The following TRIM24 variants were observed in gnomAD, a reference collection of about 807,000 sequenced individuals.
TRIM24 encodes tripartite motif containing 24, also known as transcription intermediary factor 1-alpha.
A neutral mutation model predicts 123.9 loss-of-function variants in TRIM24; 29 were observed. That is an observed-to-expected ratio of 0.23 (90% CI 0.17 to 0.32). The LOEUF (loss-of-function observed/expected upper bound fraction) is 0.32, where lower values mean the gene tolerates loss of function less well. Ranked by LOEUF, TRIM24 falls within the 10% of genes least tolerant of loss-of-function variation. The pLI is 1.00. For missense variants in TRIM24, 932 were observed against 1,295.3 expected, an observed-to-expected ratio of 0.72 and a Z score of 4.31; for synonymous variants, 456 against 461.1, an observed-to-expected ratio of 0.99 and a Z score of 0.14.
intron 10 of TRIM24, 48 bp downstream of exon 10, chr7:138,567,702 C>A: frequency 6.7e-7 from 1 of 1,499,102 alleles, no homozygotes. Context: ...CTGCTTTCTA[C>A]TTTCAAATCA....
rs1798018350 is a variant in TRIM24 at position 138,586,275 on chromosome 7, T to C, written c.*1324T>C. 1 of 167,098 alleles carries C rather than the reference T, an allele frequency of 6.0e-6. No homozygotes were observed. Among genetic ancestry groups the C allele is most frequent in the South Asian group, 1.5e-4 (1 of 6,520 alleles). 10.4% of individuals were successfully genotyped at this position (167,098 alleles called of 1,614,324 possible). A position where few individuals can be genotyped will look rare whatever the true frequency, so the allele number is the denominator to read the frequency against. On this transcript the variant is annotated 3_prime_UTR_variant, in exon 19 of 19. Coordinates refer to ENST00000343526, the MANE Select transcript of TRIM24 (RefSeq NM_015905.3). The stretch of plus-strand genomic sequence containing the variant: ...TGGTTTGCCGAAGTTAATCTGTATT[T>C]ATAAAACATTAACTGGAGTAAATTT...
intron 1 of TRIM24, among the ~76,000 whole-genome samples, chr7:138,499,637 G>A (rs866805128): frequency 5.8e-4 from 89 of 152,230 alleles, no homozygotes; most frequent in African/African-American, 2.0e-3. Flanking sequence ...GAACAGAAAC[G>A]GAGGCTCTTC....
intron 1 of TRIM24, among the ~76,000 whole-genome samples, chr7:138,468,765 G>A (rs1370492807): frequency 6.6e-6 from 1 of 152,158 alleles, no homozygotes; most frequent in African/African-American, 2.4e-5. Context: ...CACATGCGTA[G>A]TAGCCTTCAG....
chr7:138,514,623 A>G (rs1337594313), intron 2 of TRIM24: 1 of 151,964 alleles, frequency 6.6e-6, no homozygotes, highest in Non-Finnish European at 1.5e-5. Context: ...CAGCCTTCCA[A>G]CCCCACTAAA....
intron 4 of TRIM24, among the ~76,000 whole-genome samples, chr7:138,520,509 C>T (rs1481025717): frequency 6.6e-6 from 1 of 152,032 alleles, no homozygotes; most frequent in Non-Finnish European, 1.5e-5. Context: ...TTAGACAATG[C>T]GAACATAGTG....
chr7:138,470,180 G>A (rs1252649572), intron 1 of TRIM24, among the ~76,000 whole-genome samples: 1 of 141,036 alleles, frequency 7.1e-6, no homozygotes, highest in Non-Finnish European at 1.5e-5. Context: ...CACCAGGCTG[G>A]AGTGCAGTGG....
At chr7:138,557,465 A>T (rs985337208) in intron 9 of TRIM24, among the ~76,000 whole-genome samples, 1 of 152,142 alleles carries the variant, frequency 6.6e-6, no homozygotes, top group Non-Finnish European at 1.5e-5. Flanking sequence ...GGATGTTTTT[A>T]ACAAGGAGGG....
intron 1 of TRIM24, among the ~76,000 whole-genome samples, chr7:138,496,592 T>G (rs1313253407): frequency 6.6e-6 from 1 of 152,188 alleles, no homozygotes; most frequent in African/African-American, 2.4e-5. Context: ...GTTGAAGAAG[T>G]TTCCATCTGT....
chr7:138,506,659 C>A (rs1439176331), intron 2 of TRIM24, among the ~76,000 whole-genome samples: 1 of 152,114 alleles, frequency 6.6e-6, no homozygotes, highest in Non-Finnish European at 1.5e-5. Flanking sequence ...AATTAGTTTT[C>A]AGTACGTTTA....
intron 1 of TRIM24, among the ~76,000 whole-genome samples, chr7:138,497,393 CTTTT>C (rs869232002): frequency 1.1e-5 from 1 of 88,336 alleles, no homozygotes; most frequent in Non-Finnish European, 2.1e-5. Context: ...ATTACAATTT[CTTTT>C]TTTTTTTTTT....
rs966926972 is a variant in TRIM24, at chr7:138,568,179, C to T, written c.1704+525C>T. On this transcript the variant is annotated intron_variant, in intron 10 of 18. Coordinates refer to ENST00000343526, the MANE Select transcript of TRIM24 (RefSeq NM_015905.3). ...TGTTGCCTAGGCTGGAGTGCAGTGG[C>T]GCAATCTGGGCTAACTGCAAACTCT... 5.3e-5 allele frequency among the ~76,000 whole-genome samples: 8 copies of T among 151,658 alleles called. No individual in the cohort carries two copies. In the South Asian group the frequency reaches 6.2e-4, roughly 12 times the overall value.
In TRIM24 at chr7:138,554,892, C is replaced by T. The variant is rs778431830; in HGVS notation, c.1456C>T (p.Arg486Trp). 3.3e-5 allele frequency: 53 copies of T among 1,613,974 alleles called. 1 individual carries two copies. The highest frequency in any genetic ancestry group is 4.4e-5 in the South Asian group (4 of 91,086). ...AATGGCTCAGAGGCAACAGGTGCAA[C>T]GGAGGCCAGCACCTGTGGGTTTACC... is the stretch of plus-strand genomic sequence containing the variant. The part of the protein sequence containing the change: ...QVMAQRQQVQ[R>W]RPAPVGLPNP... Residue 486 changes from arginine to tryptophan, a missense_variant, in exon 9 of 19, where the codon CGG (arginine) becomes TGG (tryptophan). Arg to Trp is a moderately radical substitution (Grantham distance 101). Transcript: ENST00000343526. This position sits in a 1 kb window ranked among gnomAD's most constrained non-coding sequence, Gnocchi z 4.5.
chr7:138,572,630 C>G (rs1797680913), intron 11 of TRIM24, among the ~76,000 whole-genome samples: 1 of 152,120 alleles, frequency 6.6e-6, no homozygotes, highest in Non-Finnish European at 1.5e-5. Flanking sequence ...GGTGCATAAG[C>G]AAGAAATTGA....
chr7:138,497,096 A>G (rs1795923267), intron 1 of TRIM24, among the ~76,000 whole-genome samples: 1 of 152,204 alleles, frequency 6.6e-6, no homozygotes, highest in Admixed American at 6.5e-5. Flanking sequence ...TCATAAAATA[A>G]GGTTGGAATT....
Position 138,554,660 on chromosome 7 carries a change from T to C in TRIM24, c.1262-38T>C, listed in dbSNP as rs781201567. Reference sequence around the variant, plus strand: ...AAAATGTGATATTTCACCAACTATCTGAAAAACTGTTTCCCTTAACCTTTT... The same window carrying C: ...AAAATGTGATATTTCACCAACTATCCGAAAAACTGTTTCCCTTAACCTTTT... On this transcript the variant is annotated intron_variant, in intron 8 of 18. Coordinates refer to ENST00000343526, the MANE Select transcript of TRIM24 (RefSeq NM_015905.3). This position sits in a 1 kb window ranked among gnomAD's most constrained non-coding sequence, Gnocchi z 4.5. 2.1e-5 allele frequency: 33 copies of C among 1,579,376 alleles called. No homozygotes were observed. The Middle Eastern group carries it at 3.6e-3, about 171-fold the overall frequency.
intron 1 of TRIM24, chr7:138,461,436 T>A: frequency 2.7e-6 from 1 of 364,148 alleles, no homozygotes; most frequent in Non-Finnish European, 5.3e-6. Context: ...ATTTCTTATC[T>A]TGCATGTTTG....
Position 138,550,765 on chromosome 7 carries a change from A to T in TRIM24, c.1144-298A>T, listed in dbSNP as rs140900847. ...AAGTAAAATAAATGAAAGCATTAAG[A>T]TACATTAATAATTTTTATTTTACAA... On this transcript the variant is annotated intron_variant, in intron 7 of 18. Transcript: ENST00000343526. 8.5e-5 allele frequency among the ~76,000 whole-genome samples: 13 copies of T among 152,322 alleles called. No individual in the cohort carries two copies. The East Asian group carries it at 2.3e-3, about 27-fold the overall frequency.
intron 4 of TRIM24, among the ~76,000 whole-genome samples, chr7:138,520,370 T>C (rs1028839089): frequency 3.3e-5 from 5 of 152,256 alleles, no homozygotes; most frequent in African/African-American, 1.2e-4. Context: ...TCCTCAAGTT[T>C]CCTTGTAGAA....
chr7:138,520,971 C>T (rs1050439150), intron 4 of TRIM24, among the ~76,000 whole-genome samples: 5 of 152,170 alleles, frequency 3.3e-5, no homozygotes, highest in African/African-American at 9.7e-5. Flanking sequence ...CAGAAGCTGA[C>T]GAAAGGCATT....
Sources: allele counts gnomAD v4.1 joint callset (sites outside exome capture counted in the v4.1 genomes callset), GRCh38; gene constraint gnomAD v4.1.1; non-coding constraint Gnocchi (gnomAD v3.1); transcripts MANE v1.5; gene names NCBI Gene and HGNC (gene_info 2026-07-23, HGNC 2026-07-21).